The following PPP6R3 variants were observed in gnomAD, a reference collection of about 807,000 sequenced individuals.
The protein encoded by PPP6R3 is protein phosphatase 6 regulatory subunit 3, also known as serine/threonine-protein phosphatase 6 regulatory subunit 3.
A neutral mutation model predicts 110.7 loss-of-function variants in PPP6R3; 38 were observed. The ratio of observed to expected loss-of-function variants is 0.34; its 90% CI spans 0.26 to 0.45. The LOEUF (loss-of-function observed/expected upper bound fraction) is 0.45. Among genes scored for constraint, PPP6R3 ranks in the 20% least tolerant of loss-of-function variants. The pLI is 1.00. For synonymous variants in PPP6R3, 369 were observed against 373.5 expected (o/e 0.99, Z 0.14); for missense variants, 870 against 1,062.4 (o/e 0.82, Z 2.52).
chr11:68,545,176 C>T (rs1226589285), intron 4 of PPP6R3, 152 bp downstream of exon 4: 4 of 501,368 alleles, frequency 8.0e-6, no homozygotes, highest in South Asian at 4.9e-5. Flanking sequence ...TAAGCACTCA[C>T]ATACTATTTG....
chr11:68,550,074 A>C (rs1292117721), intron 5 of PPP6R3, among the ~76,000 whole-genome samples: 1 of 152,216 alleles, frequency 6.6e-6, no homozygotes, highest in Non-Finnish European at 1.5e-5. Flanking sequence ...GGTCCTAGAC[A>C]TCACTTGTGA....
rs111369958 is a variant in PPP6R3, at chr11:68,462,023, G to A, written c.-158+1196G>A. Among the ~76,000 whole-genome samples the A allele has an allele frequency of 4.1e-3, 628 of 152,192 alleles. 2 individuals are homozygous for A. Among genetic ancestry groups the A allele is most frequent in the African/African-American group, 0.014 (601 of 41,500 alleles). Reference sequence around the variant, plus strand: ...TCTGTGACCTTGGGCAAGTTACCCAGCTTCTCTTTTTTTTTCTCTGTAGTA... The same window carrying A: ...TCTGTGACCTTGGGCAAGTTACCCAACTTCTCTTTTTTTTTCTCTGTAGTA... On this transcript the variant is annotated intron_variant, in intron 1 of 23. Coordinates refer to ENST00000393800, the MANE Select transcript of PPP6R3 (RefSeq NM_001164161.2).
At position 68,567,960 on chromosome 11, in the gene PPP6R3, G is replaced by A. The variant is rs542683193; in HGVS notation, c.1128+794G>A. Among the ~76,000 whole-genome samples the A allele has an allele frequency of 5.3e-5, 8 of 152,138 alleles. No homozygotes were observed. The South Asian group carries it at 1.7e-3, about 32-fold the overall frequency. On this transcript the variant is annotated intron_variant, in intron 10 of 23. Transcript: ENST00000393800. ...TGAACATTACAGTGAGAGAGAGGAT[G>A]TGTTTTTCAGATCATGCCCAGAGAG...
intron 15 of PPP6R3, among the ~76,000 whole-genome samples, chr11:68,583,418 T>C (rs745686045): frequency 2.6e-5 from 4 of 152,254 alleles, no homozygotes; most frequent in Non-Finnish European, 5.9e-5. Context: ...ACATGCTTGT[T>C]ACACAGACCT....
At position 68,571,068 on chromosome 11, in the gene PPP6R3, G is replaced by A. The variant is rs148673066; in HGVS notation, c.1307G>A (p.Arg436Gln). The A allele has an allele frequency of 5.7e-5, 91 of 1,589,038 alleles. No homozygotes were observed. The highest frequency in any genetic ancestry group is 7.0e-5 in the Non-Finnish European group (82 of 1,172,174). The change falls in exon 12 of 24, where the codon CGA (arginine) becomes CAA (glutamine). Residue 436 changes from arginine to glutamine, a missense_variant. Transcript: ENST00000393800. ...TTCCAAAAATGTCAATTAATAGAAC[G>A]AATACTTGAAGCCTGGGAAATGAAT... ...HLFQKCQLIE[R>Q]ILEAWEMNEK...
chr11:68,462,473 C>A lies in PPP6R3; in HGVS notation c.-158+1646C>A, dbSNP rs142336935. Among the ~76,000 whole-genome samples, 912 of 152,204 alleles carry A rather than the reference C, an allele frequency of 6.0e-3. 14 individuals are homozygous for A. The highest frequency in any genetic ancestry group is 3.9e-3 in the Non-Finnish European group (264 of 68,030). The stretch of plus-strand genomic sequence containing the variant: ...TCACAAGCTTAAGTCGGGCTTTGTT[C>A]CTCATGTGCTTTTGGATACTAGTTT... On this transcript the variant is annotated intron_variant, in intron 1 of 23. Coordinates refer to ENST00000393800, the MANE Select transcript of PPP6R3 (RefSeq NM_001164161.2).
chr11:68,531,307 TTTTATTTATTTATTTATTTA>T (rs67798708), intron 2 of PPP6R3, among the ~76,000 whole-genome samples: 26 of 137,012 alleles, frequency 1.9e-4, no homozygotes, highest in African/African-American at 7.0e-4. Flanking sequence ...TGAGACTGTG[TTTTATTTATTTATTTATTTA>T]TTTATTTATT....
chr11:68,566,296 TCTTC>T (rs2099468698), intron 9 of PPP6R3, among the ~76,000 whole-genome samples: 1 of 151,980 alleles, frequency 6.6e-6, no homozygotes, highest in Non-Finnish European at 1.5e-5. Flanking sequence ...TCTTCTTTAT[TCTTC>T]CTTCCTCCTC....
rs372113258 is a variant in PPP6R3, at chr11:68,510,054, CTTTTTTTTT to C, written c.-157-9434_-157-9426del. Among the ~76,000 whole-genome samples the C allele has an allele frequency of 9.9e-3, 760 of 77,000 alleles. 24 individuals carry two copies. Among genetic ancestry groups the C allele is most frequent in the African/African-American group, 0.038 (687 of 18,068 alleles). The allele number at this position is 77,000 out of a possible 152,430, so 50.5% of individuals were successfully genotyped here. On this transcript the variant is annotated intron_variant, in intron 1 of 23. Coordinates refer to ENST00000393800, the MANE Select transcript of PPP6R3 (RefSeq NM_001164161.2). ...ACAGGTGTGAGCTACTGTGCTCGGC[CTTTTTTTTT>C]TTTTTTTTTTTTGATAAGTTTTGTA...
chr11:68,502,290 A>G (rs544893465), intron 1 of PPP6R3, among the ~76,000 whole-genome samples: 2 of 152,340 alleles, frequency 1.3e-5, no homozygotes, highest in East Asian at 3.9e-4. Flanking sequence ...ATGTTTTCAC[A>G]TTTTTATACT....
chr11:68,520,983 G>A (rs1416082767), intron 2 of PPP6R3, among the ~76,000 whole-genome samples: 1 of 152,152 alleles, frequency 6.6e-6, no homozygotes. Context: ...TGTCGGCCAG[G>A]CTGGTCTTGA....
chr11:68,469,194 A>G (rs2153231575), intron 1 of PPP6R3, among the ~76,000 whole-genome samples: 1 of 152,366 alleles, frequency 6.6e-6, no homozygotes. Context: ...CTGTAAACAA[A>G]TGAAGGTGGC....
chr11:68,568,271 A>G (rs2099487079), intron 10 of PPP6R3, among the ~76,000 whole-genome samples: 3 of 152,198 alleles, frequency 2.0e-5, no homozygotes, highest in Admixed American at 2.0e-4. Context: ...AACTCCGGGA[A>G]TATAACGTTC....
At chr11:68,529,614 A>G (rs2099225053) in intron 2 of PPP6R3, among the ~76,000 whole-genome samples, 1 of 152,214 alleles carries the variant, frequency 6.6e-6, no homozygotes, top group Admixed American at 6.5e-5. Context: ...CATTATTTCA[A>G]GATGAAGGAT....
chr11:68,462,908 A>C (rs2098718536), intron 1 of PPP6R3, among the ~76,000 whole-genome samples: 1 of 152,228 alleles, frequency 6.6e-6, no homozygotes, highest in Admixed American at 6.5e-5. Context: ...GACAGGAAGA[A>C]GATTGTTTTC....
chr11:68,476,210 C>T (rs192186079), intron 1 of PPP6R3, among the ~76,000 whole-genome samples: 14 of 152,370 alleles, frequency 9.2e-5, no homozygotes, highest in African/African-American at 2.9e-4. Context: ...TCTGCAATTC[C>T]GGCACCTCGG....
At chr11:68,591,816 G>GT (rs2099596226) in intron 18 of PPP6R3, 110 bp downstream of exon 18, 1 of 1,318,856 alleles carries the variant, frequency 7.6e-7, no homozygotes. Context: ...CCAGAAACCA[G>GT]TGTTTTTTTT....
intron 1 of PPP6R3, among the ~76,000 whole-genome samples, chr11:68,515,604 G>A (rs1162605085): frequency 6.6e-6 from 1 of 152,184 alleles, no homozygotes; most frequent in African/African-American, 2.4e-5. Flanking sequence ...TCAGCATTCG[G>A]GATTGTGGCA....
chr11:68,612,750 CCA>C lies in PPP6R3; in HGVS notation c.2571-313_2571-312del, dbSNP rs1206375880. ...ACATAGCTCCTGAAGGCTCTGGAAG[CCA>C]CAGTTTATACCCCACTGACCTAGTC... On this transcript the variant is annotated intron_variant, in intron 23 of 23. Coordinates refer to ENST00000393800, the MANE Select transcript of PPP6R3 (RefSeq NM_001164161.2). The C allele has an allele frequency of 2.0e-5, 6 of 297,460 alleles. No individual in the cohort carries two copies. In the Admixed American group the frequency reaches 2.5e-4, roughly 13 times the overall value. 18.4% of individuals were successfully genotyped at this position (297,460 alleles called of 1,614,324 possible).
Sources: allele counts gnomAD v4.1 joint callset (sites outside exome capture counted in the v4.1 genomes callset), GRCh38; gene constraint gnomAD v4.1.1; transcripts MANE v1.5; gene names NCBI Gene and HGNC (gene_info 2026-07-23, HGNC 2026-07-21).